The following MINDY2 variants were observed in gnomAD, a reference collection of about 807,000 sequenced individuals.
The protein encoded by MINDY2 is ubiquitin carboxyl-terminal hydrolase MINDY-2.
Under a neutral mutation model 68.2 loss-of-function variants are expected in MINDY2, and 52 were observed. The observed-to-expected ratio is 0.76, with a 90% confidence interval of 0.61 to 0.96. The LOEUF (loss-of-function observed/expected upper bound fraction) is 0.96, where lower values mean the gene tolerates loss of function less well. Ranked by LOEUF, MINDY2 falls within the 40% of genes least tolerant of loss-of-function variation. MINDY2 has a pLI of 0.00. For synonymous variants in MINDY2, 372 were observed against 303.0 expected, an observed-to-expected ratio of 1.23 and a Z score of -2.36; for missense variants, 881 against 773.4, an observed-to-expected ratio of 1.14 and a Z score of -1.65.
At chr15:58,836,305 A>G (rs748729620) in intron 6 of MINDY2, among the ~76,000 whole-genome samples, 16 of 150,736 alleles carry the variant, frequency 1.1e-4, no homozygotes, top group Non-Finnish European at 2.1e-4. Context: ...AGTGGCTACT[A>G]TCATTCTCAG....
At position 58,859,983 on chromosome 15, in the gene MINDY2, A is replaced by G. The variant is rs1485228675; in HGVS notation, c.*5373A>G. On this transcript the variant is annotated 3_prime_UTR_variant, in exon 9 of 9. Transcript: ENST00000559228. ...CAGGTATTTTTTAGGGCATCGTACTATCCCAGAGAAAGTGTTGAGATACCA... is the reference window on the plus strand; with the variant it reads ...CAGGTATTTTTTAGGGCATCGTACTGTCCCAGAGAAAGTGTTGAGATACCA... The G allele has an allele frequency of 5.9e-5, 9 of 152,294 alleles. No individual in the cohort carries two copies. Among genetic ancestry groups the G allele is most frequent in the African/African-American group, 2.2e-4 (9 of 41,570 alleles). 9.4% of individuals were successfully genotyped at this position (152,294 alleles called of 1,614,324 possible). A position where few individuals can be genotyped will look rare whatever the true frequency, so the allele number is the denominator to read the frequency against.
At chr15:58,796,385 G>A (rs1902286874) in intron 2 of MINDY2, among the ~76,000 whole-genome samples, 1 of 152,218 alleles carries the variant, frequency 6.6e-6, no homozygotes, top group Non-Finnish European at 1.5e-5. Context: ...ATGTTGTATA[G>A]TTAGAGAAAT....
intron 6 of MINDY2, among the ~76,000 whole-genome samples, chr15:58,837,776 G>A (rs2032069864): frequency 6.6e-6 from 1 of 151,638 alleles, no homozygotes; most frequent in African/African-American, 2.4e-5. Flanking sequence ...GACCAGCATG[G>A]ACAATGAAGT....
chr15:58,779,320 A>C (rs1276431355), intron 1 of MINDY2, among the ~76,000 whole-genome samples: 4 of 152,344 alleles, frequency 2.6e-5, no homozygotes, highest in African/African-American at 9.6e-5. Flanking sequence ...TTGTCTCATC[A>C]CCTGCAAAGT....
At chr15:58,786,979 G>A (rs1165744428) in intron 1 of MINDY2, among the ~76,000 whole-genome samples, 4 of 151,960 alleles carry the variant, frequency 2.6e-5, no homozygotes, top group African/African-American at 9.7e-5. Context: ...ATAAGCATGC[G>A]CCACCATGCC....
At chr15:58,808,742 C>T (rs1249704437) in intron 3 of MINDY2, among the ~76,000 whole-genome samples, 3 of 152,050 alleles carry the variant, frequency 2.0e-5, no homozygotes, top group Non-Finnish European at 4.4e-5. Context: ...GTAGCTGGGA[C>T]TACAGGTGCC....
rs2033166657 is a variant in MINDY2, at chr15:58,859,801, A to T, written c.*5191A>T. On this transcript the variant is annotated 3_prime_UTR_variant, in exon 9 of 9. Coordinates refer to ENST00000559228, the MANE Select transcript of MINDY2 (RefSeq NM_001040450.3). ...GAGTTTAATAAATTGTGATACGCAT[A>T]TATTTTTTTACATGAAGGATTCTAC... 1 of 152,188 alleles carries T rather than the reference A, an allele frequency of 6.6e-6. No homozygotes were observed. Among genetic ancestry groups the T allele is most frequent in the Non-Finnish European group, 1.5e-5 (1 of 68,028 alleles). The allele number at this position is 152,188 out of a possible 1,614,324, so 9.4% of individuals were successfully genotyped here.
intron 6 of MINDY2, among the ~76,000 whole-genome samples, chr15:58,833,311 C>T (rs759518456): frequency 1.3e-5 from 2 of 152,214 alleles, no homozygotes; most frequent in African/African-American, 4.8e-5. Context: ...CACACTATAC[C>T]TTCTAATTTC....
At chr15:58,799,717 A>G (rs1488619827) in intron 2 of MINDY2, among the ~76,000 whole-genome samples, 1 of 152,230 alleles carries the variant, frequency 6.6e-6, no homozygotes, top group Non-Finnish European at 1.5e-5. Context: ...GTGAATTTCA[A>G]TCTGGAAATT....
At chr15:58,827,526 C>T (rs59576117) in intron 5 of MINDY2, among the ~76,000 whole-genome samples, 4,949 of 152,202 alleles carry the variant, frequency 0.033, 283 homozygotes, top group African/African-American at 0.11. Context: ...TGTAGTGGCG[C>T]GATCTCGGCT....
At chr15:58,836,274 C>T (rs1175647234) in intron 6 of MINDY2, among the ~76,000 whole-genome samples, 1 of 151,046 alleles carries the variant, frequency 6.6e-6, no homozygotes, top group Non-Finnish European at 1.5e-5. Flanking sequence ...GGGTCTCACT[C>T]CATCACCCAG....
chr15:58,838,649 C>G (rs529153588), intron 6 of MINDY2, among the ~76,000 whole-genome samples: 146 of 128,782 alleles, frequency 1.1e-3, no homozygotes, highest in Non-Finnish European at 1.8e-3. Context: ...TGCGGTGGCA[C>G]AATCTCAGCT....
chr15:58,825,710 A>G (rs539383718), intron 5 of MINDY2, among the ~76,000 whole-genome samples: 32 of 152,218 alleles, frequency 2.1e-4, no homozygotes, highest in African/African-American at 7.2e-4. Context: ...GGTTCAAGCA[A>G]TTCTTCTGCC....
At chr15:58,807,750 T>C (rs16940795) in intron 3 of MINDY2, among the ~76,000 whole-genome samples, 4,938 of 152,168 alleles carry the variant, frequency 0.032, 287 homozygotes, top group African/African-American at 0.11. Context: ...GACAAACAAG[T>C]CTTTGTGATC....
chr15:58,828,648 G>A (rs184011596), intron 5 of MINDY2, among the ~76,000 whole-genome samples: 7 of 129,034 alleles, frequency 5.4e-5, no homozygotes, highest in African/African-American at 1.2e-4. Context: ...TGAAAGCTCC[G>A]CCTCCCAGTT....
intron 6 of MINDY2, among the ~76,000 whole-genome samples, chr15:58,843,571 C>T (rs529237794): frequency 6.6e-6 from 1 of 152,244 alleles, no homozygotes; most frequent in East Asian, 1.9e-4. Flanking sequence ...GAAATACCCT[C>T]GTAAATTAAT....
At position 58,771,469 on chromosome 15, in the gene MINDY2, C is replaced by T; in HGVS notation, c.74C>T (p.Ser25Phe). The stretch of plus-strand genomic sequence containing the variant: ...GCCGGGCCAGCGTCAGGGACAGGTT[C>T]TTCGCAGGAAGGGCTACAGGAGACC... ...VAAGPASGTG[S>F]SQEGLQETRL... The change falls in exon 1 of 9, where the codon TCT becomes TTT. Residue 25 changes from serine (S) to phenylalanine (F), a missense_variant. Coordinates refer to ENST00000559228, the MANE Select transcript of MINDY2 (RefSeq NM_001040450.3). 6.2e-7 allele frequency: 1 copy of T among 1,612,584 alleles called. No homozygotes were observed. The highest frequency in any genetic ancestry group is 8.5e-7 in the Non-Finnish European group (1 of 1,179,824).
At chr15:58,826,650 A>C (rs2031416244) in intron 5 of MINDY2, among the ~76,000 whole-genome samples, 1 of 152,214 alleles carries the variant, frequency 6.6e-6, no homozygotes, top group Non-Finnish European at 1.5e-5. Flanking sequence ...TCTCCTATAT[A>C]ATCACAATGC....
At chr15:58,793,287 C>G (rs1399210877) in intron 2 of MINDY2, among the ~76,000 whole-genome samples, 2 of 151,862 alleles carry the variant, frequency 1.3e-5, no homozygotes, top group Non-Finnish European at 2.9e-5. Context: ...CCCGTCTCTA[C>G]TAAAAATACA....
Sources: allele counts gnomAD v4.1 joint callset (sites outside exome capture counted in the v4.1 genomes callset), GRCh38; gene constraint gnomAD v4.1.1; transcripts MANE v1.5; gene names NCBI Gene and HGNC (gene_info 2026-07-23, HGNC 2026-07-21).